The following MMP24 variants were observed in gnomAD, a reference collection of about 807,000 sequenced individuals.
MMP24 encodes matrix metallopeptidase 24, also known as matrix metalloproteinase-24.
MMP24 carries 25 observed loss-of-function variants against 62.8 expected under a neutral mutation model. That is an observed-to-expected ratio of 0.40 (90% CI 0.29 to 0.56). The LOEUF (loss-of-function observed/expected upper bound fraction) is 0.56, where lower values mean the gene tolerates loss of function less well. Ranked by LOEUF, MMP24 falls within the 20% of genes least tolerant of loss-of-function variation. The pLI, the probability that MMP24 is intolerant of heterozygous loss-of-function variation, is 0.50. For synonymous variants in MMP24, 319 were observed against 350.5 expected, an observed-to-expected ratio of 0.91 and a Z score of 1.00; for missense variants, 634 against 853.6, an observed-to-expected ratio of 0.74 and a Z score of 3.21.
At position 35,262,165 on chromosome 20, in the gene MMP24, G is replaced by A. The variant is rs1455542082; in HGVS notation, c.818-1626G>A. 4.6e-5 allele frequency among the ~76,000 whole-genome samples: 7 copies of A among 152,170 alleles called. No individual in the cohort carries two copies. In the East Asian group the frequency reaches 5.8e-4, roughly 13 times the overall value. ...CCCTCCACACCTGTGGGTGTTTCTC[G>A]TAAGGTGGAATGAGAGACTTAGGAA... On this transcript the variant is annotated intron_variant, in intron 4 of 8. Coordinates refer to ENST00000246186, the MANE Select transcript of MMP24 (RefSeq NM_006690.4).
intron 7 of MMP24, among the ~76,000 whole-genome samples, chr20:35,270,219 G>A (rs1468511790): frequency 6.6e-6 from 1 of 152,176 alleles, no homozygotes; most frequent in Non-Finnish European, 1.5e-5. Context: ...AGCTGGGGAG[G>A]TCGGGGGAGG....
At chr20:35,266,894 G>A (rs985140122) in intron 5 of MMP24, among the ~76,000 whole-genome samples, 1 of 152,084 alleles carries the variant, frequency 6.6e-6, no homozygotes, top group African/African-American at 2.4e-5. Flanking sequence ...AGGAAGTGGG[G>A]CCAGTGCGTG....
At position 35,269,709 on chromosome 20, in the gene MMP24, T is replaced by C; in HGVS notation, c.1195-51T>C. On this transcript the variant is annotated intron_variant, in intron 6 of 8. Coordinates refer to ENST00000246186, the MANE Select transcript of MMP24 (RefSeq NM_006690.4). This position sits in a 1 kb window ranked among gnomAD's most constrained non-coding sequence, Gnocchi z 4.6. ...AGCCCCACAGCTGCAATCACTGGGTTCGGAGGCAGGGCCTGACACACCTCT... is the reference window on the plus strand; with the variant it reads ...AGCCCCACAGCTGCAATCACTGGGTCCGGAGGCAGGGCCTGACACACCTCT... 1 of 1,548,680 alleles carries C rather than the reference T, an allele frequency of 6.5e-7. No homozygotes were observed. The highest frequency in any genetic ancestry group is 8.7e-7 in the Non-Finnish European group (1 of 1,146,116).
At chr20:35,232,180 T>C (rs887121262) in intron 1 of MMP24, among the ~76,000 whole-genome samples, 1 of 152,214 alleles carries the variant, frequency 6.6e-6, no homozygotes, top group Non-Finnish European at 1.5e-5. Context: ...CTTTCAAGTA[T>C]GTCCTACTCT....
At chr20:35,236,918 G>T (rs924490721) in intron 1 of MMP24, among the ~76,000 whole-genome samples, 3 of 148,460 alleles carry the variant, frequency 2.0e-5, no homozygotes, top group African/African-American at 7.5e-5. Flanking sequence ...AGGTTGCAGT[G>T]AGCCAAGATC....
intron 1 of MMP24, among the ~76,000 whole-genome samples, chr20:35,242,036 T>A (rs1288444436): frequency 6.6e-6 from 1 of 152,204 alleles, no homozygotes; most frequent in Non-Finnish European, 1.5e-5. Context: ...TTGAGGCAGC[T>A]TACATATTAA....
At chr20:35,244,816 C>T (rs1208051783) in intron 1 of MMP24, among the ~76,000 whole-genome samples, 1 of 151,474 alleles carries the variant, frequency 6.6e-6, no homozygotes, top group East Asian at 1.9e-4. Flanking sequence ...TTCAGATTCT[C>T]TTGCCTTTTT....
intron 1 of MMP24, among the ~76,000 whole-genome samples, chr20:35,240,095 A>C (rs2060482427): frequency 1.3e-5 from 2 of 152,146 alleles, no homozygotes; most frequent in South Asian, 2.1e-4. Flanking sequence ...GGCTCTGGAT[A>C]CTTGTAGGCA....
Position 35,271,142 on chromosome 20 carries a change from G to A in MMP24, c.1334-427G>A, listed in dbSNP as rs974585225. On this transcript the variant is annotated intron_variant, in intron 7 of 8. Coordinates refer to ENST00000246186, the MANE Select transcript of MMP24 (RefSeq NM_006690.4). The surrounding 1 kb of genome is among the most constrained non-coding windows in gnomAD (Gnocchi z 4.0). ...GACCTGGGAGGCAGAAGGTGATGAG[G>A]AGGGAGCCCCTCTGTGGTGCAGATG... Among the ~76,000 whole-genome samples the A allele has an allele frequency of 1.3e-5, 2 of 152,196 alleles. No individual in the cohort carries two copies. The highest frequency in any genetic ancestry group is 2.1e-4 in the South Asian group (1 of 4,832).
chr20:35,234,875 C>G (rs555502602), intron 1 of MMP24, among the ~76,000 whole-genome samples: 24 of 151,988 alleles, frequency 1.6e-4, no homozygotes, highest in Admixed American at 4.6e-4. Context: ...CCACTGCACT[C>G]CAGCCTGAGC....
Position 35,271,924 on chromosome 20 carries a change from C to A in MMP24, c.1600+89C>A. 1 of 1,414,498 alleles carries A rather than the reference C, an allele frequency of 7.1e-7. No individual in the cohort carries two copies. 87.6% of individuals were successfully genotyped at this position (1,414,498 alleles called of 1,614,324 possible). A position where few individuals can be genotyped will look rare whatever the true frequency, so the allele number is the denominator to read the frequency against. On this transcript the variant is annotated intron_variant, in intron 8 of 8. Coordinates refer to ENST00000246186, the MANE Select transcript of MMP24 (RefSeq NM_006690.4). The surrounding 1 kb of genome is among the most constrained non-coding windows in gnomAD (Gnocchi z 4.0). ...CACGGGCATACTCAGTGCCCATGGG[C>A]GTCCAGGTTTGAAAAAACACCTGGT... is the stretch of plus-strand genomic sequence containing the variant.
intron 1 of MMP24, among the ~76,000 whole-genome samples, chr20:35,233,648 T>C (rs1600771352): frequency 6.6e-6 from 1 of 152,218 alleles, no homozygotes; most frequent in East Asian, 1.9e-4. Flanking sequence ...TATACTATTA[T>C]TACTGTACTA....
At chr20:35,258,153 AT>A (rs2060584290) in intron 4 of MMP24, among the ~76,000 whole-genome samples, 1 of 152,102 alleles carries the variant, frequency 6.6e-6, no homozygotes, top group Non-Finnish European at 1.5e-5. Context: ...TGGCATTCCT[AT>A]TTATCTACCT....
rs960960516 is a variant in MMP24 at position 35,261,404 on chromosome 20, G to A, written c.818-2387G>A. On this transcript the variant is annotated intron_variant, in intron 4 of 8. Coordinates refer to ENST00000246186, the MANE Select transcript of MMP24 (RefSeq NM_006690.4). ...TATCTTATTCAACCTCACACAACCC[G>A]GTGAGGTAGGTCTGATGCCCCCAGT... Among the ~76,000 whole-genome samples, 6 of 152,160 alleles carry A rather than the reference G, an allele frequency of 3.9e-5. No individual in the cohort carries two copies. The South Asian group carries it at 6.2e-4, about 16-fold the overall frequency.
chr20:35,252,032 T>C lies in MMP24; in HGVS notation c.512+11T>C, dbSNP rs755776280. ...ACACATCACCTACAGGTGCTTCGAC[T>C]CTCCCTCTTCCTCCCTGCCTTTGGC... On this transcript the variant is annotated intron_variant, in intron 3 of 8. Coordinates refer to ENST00000246186, the MANE Select transcript of MMP24 (RefSeq NM_006690.4). 6.3e-7 allele frequency: 1 copy of C among 1,592,914 alleles called. No individual in the cohort carries two copies. The highest frequency in any genetic ancestry group is 1.1e-5 in the South Asian group (1 of 90,672).
intron 1 of MMP24, 148 bp from the exon 2 acceptor site, chr20:35,246,692 C>A: frequency 1.2e-6 from 1 of 825,152 alleles, no homozygotes; most frequent in South Asian, 1.8e-5. Flanking sequence ...ACAGTGTCTG[C>A]AGGATGGGGT....
chr20:35,234,571 C>T (rs1316564081), intron 1 of MMP24, among the ~76,000 whole-genome samples: 2 of 152,128 alleles, frequency 1.3e-5, no homozygotes, highest in African/African-American at 4.8e-5. Flanking sequence ...TTTGAAGTAG[C>T]GCACCATGGG....
intron 1 of MMP24, among the ~76,000 whole-genome samples, chr20:35,231,804 C>T (rs1360127248): frequency 1.3e-5 from 2 of 152,202 alleles, no homozygotes; most frequent in Non-Finnish European, 2.9e-5. Context: ...GTAATCCCAG[C>T]ACTTTGGGAG....
chr20:35,246,770 C>A, intron 1 of MMP24, 70 bp from the exon 2 acceptor site: 2 of 1,560,826 alleles, frequency 1.3e-6, no homozygotes, highest in Non-Finnish European at 8.8e-7. Flanking sequence ...GTGTTCAAGG[C>A]ACATCTCTGC....
Sources: gnomAD v4.1 joint callset for allele counts (sites outside exome capture counted in the v4.1 genomes callset) on GRCh38, gnomAD v4.1.1 for gene constraint, Gnocchi (gnomAD v3.1) non-coding constraint, MANE v1.5 for transcripts, NCBI Gene and HGNC (gene_info 2026-07-23, HGNC 2026-07-21) for gene names.